The following NEDD4 variants were observed in gnomAD, a reference collection of about 807,000 sequenced individuals.
NEDD4 encodes the protein NEDD4 E3 ubiquitin protein ligase, also known as E3 ubiquitin-protein ligase NEDD4.
A neutral mutation model predicts 144.9 loss-of-function variants in NEDD4; 99 were observed. The observed-to-expected ratio is 0.68, with a 90% CI of 0.58 to 0.81. The LOEUF (loss-of-function observed/expected upper bound fraction) is 0.81, where lower values mean the gene tolerates loss of function less well. Among genes scored for constraint, NEDD4 ranks in the 30% least tolerant of loss-of-function variants. The probability of loss-of-function intolerance (pLI) is 0.00; values close to 1 mark genes in which losing one functional copy is unlikely to be tolerated. For missense variants in NEDD4, 985 were observed against 1,065.9 expected (o/e 0.92, Z 1.06); for synonymous variants, 318 against 350.6 (o/e 0.91, Z 1.04).
chr15:55,858,343 GT>G (rs1424948893), intron 11 of NEDD4, among the ~76,000 whole-genome samples: 2 of 151,696 alleles, frequency 1.3e-5, no homozygotes, highest in African/African-American at 4.8e-5. Context: ...GTTTCACTCT[GT>G]CACCCAAGCT....
At chr15:55,932,741 A>C (rs1180754833) in intron 4 of NEDD4, among the ~76,000 whole-genome samples, 2 of 152,198 alleles carry the variant, frequency 1.3e-5, no homozygotes, top group Admixed American at 6.5e-5. Context: ...CAACCTACAG[A>C]ATGGGAGAAA....
intron 8 of NEDD4, among the ~76,000 whole-genome samples, chr15:55,865,978 T>C (rs752720324): frequency 1.3e-5 from 2 of 152,030 alleles, no homozygotes; most frequent in Non-Finnish European, 2.9e-5. Context: ...GACACCCAGG[T>C]TGGAGTGCAG....
At chr15:55,944,129 G>C (rs2037062995) in intron 4 of NEDD4, among the ~76,000 whole-genome samples, 1 of 152,208 alleles carries the variant, frequency 6.6e-6, no homozygotes. Flanking sequence ...ATCTCATTTG[G>C]ACTGGCTGGA....
chr15:55,915,469 T>C, intron 5 of NEDD4: 2 of 1,613,806 alleles, frequency 1.2e-6, no homozygotes, highest in Non-Finnish European at 1.7e-6. Flanking sequence ...GAAATACTTC[T>C]TCGTAAAATA....
chr15:55,890,502 T>G (rs2035533740), intron 5 of NEDD4, among the ~76,000 whole-genome samples: 1 of 152,234 alleles, frequency 6.6e-6, no homozygotes. Context: ...GTTTCCAAGA[T>G]TCATCCATAC....
At chr15:55,910,709 G>A (rs2036244435) in intron 5 of NEDD4, among the ~76,000 whole-genome samples, 1 of 151,904 alleles carries the variant, frequency 6.6e-6, no homozygotes, top group Admixed American at 6.6e-5. Flanking sequence ...GCACTATCAG[G>A]GCAGCCTCTG....
rs60695798 is a variant in NEDD4 at position 55,891,570 on chromosome 15, T to C, written c.292-17562A>G. Among the ~76,000 whole-genome samples the C allele has an allele frequency of 4.6e-5, 7 of 152,286 alleles. No homozygotes were observed. In the East Asian group the frequency reaches 1.4e-3, roughly 29 times the overall value. ...CATGCAGCCTACTTCATAAAACAAA[T>C]TTGCATTTGGTATAATATAAGTAAT... On this transcript the variant is annotated intron_variant, in intron 5 of 28. Coordinates refer to ENST00000435532, the MANE Select transcript of NEDD4 (RefSeq NM_006154.4).
intron 1 of NEDD4, among the ~76,000 whole-genome samples, chr15:55,991,397 G>GA (rs1445987274): frequency 6.6e-6 from 1 of 152,068 alleles, no homozygotes; most frequent in Non-Finnish European, 1.5e-5. Flanking sequence ...ACCTCCACAA[G>GA]AAAAAAAGTG....
intron 8 of NEDD4, among the ~76,000 whole-genome samples, chr15:55,868,282 G>T (rs1297331361): frequency 6.6e-6 from 1 of 152,176 alleles, no homozygotes; most frequent in Non-Finnish European, 1.5e-5. Flanking sequence ...CCCTCAGTCA[G>T]AGGAGAAAGT....
intron 4 of NEDD4, among the ~76,000 whole-genome samples, chr15:55,930,625 TG>T (rs1244499012): frequency 2.0e-5 from 3 of 152,238 alleles, no homozygotes; most frequent in African/African-American, 7.2e-5. Flanking sequence ...GGTTTGACTG[TG>T]TCCCTACCCA....
intron 4 of NEDD4, among the ~76,000 whole-genome samples, chr15:55,949,405 G>A (rs148221210): frequency 6.6e-6 from 1 of 152,142 alleles, no homozygotes; most frequent in Admixed American, 6.5e-5. Context: ...ATTCCTCAAG[G>A]ATCTAGAACA....
At chr15:55,983,097 G>C (rs1260005360) in intron 1 of NEDD4, among the ~76,000 whole-genome samples, 1 of 151,898 alleles carries the variant, frequency 6.6e-6, no homozygotes, top group African/African-American at 2.4e-5. Flanking sequence ...ACTTCAGCCT[G>C]GGCAACAAGA....
intron 5 of NEDD4, among the ~76,000 whole-genome samples, chr15:55,897,272 C>T (rs1364887395): frequency 2.6e-5 from 4 of 152,112 alleles, no homozygotes; most frequent in Admixed American, 6.5e-5. Flanking sequence ...TGCGCCCGGC[C>T]GATATGGCAT....
At position 55,827,673 on chromosome 15, in the gene NEDD4, A is replaced by C. The variant is rs1454796355; in HGVS notation, c.*2224T>G. Reference sequence around the variant, plus strand: ...CATTACTATTACTTTGCTGATATGAAGAAAATGAATTATGATGGTAAGATC... The same window carrying C: ...CATTACTATTACTTTGCTGATATGACGAAAATGAATTATGATGGTAAGATC... On this transcript the variant is annotated 3_prime_UTR_variant, in exon 29 of 29. Coordinates refer to ENST00000435532, the MANE Select transcript of NEDD4 (RefSeq NM_006154.4). 1 of 152,240 alleles carries C rather than the reference A, an allele frequency of 6.6e-6. No homozygotes were observed. The highest frequency in any genetic ancestry group is 2.4e-5 in the African/African-American group (1 of 41,466). 9.4% of individuals were successfully genotyped at this position (152,240 alleles called of 1,614,324 possible).
At chr15:55,976,589 C>T (rs72734385) in intron 1 of NEDD4, among the ~76,000 whole-genome samples, 4 of 151,014 alleles carry the variant, frequency 2.6e-5, no homozygotes, top group African/African-American at 4.9e-5. Flanking sequence ...CTGGCAAGAA[C>T]GTGGCAAAAG....
At chr15:55,880,193 G>C (rs1239191483) in intron 5 of NEDD4, among the ~76,000 whole-genome samples, 1 of 152,140 alleles carries the variant, frequency 6.6e-6, no homozygotes, top group African/African-American at 2.4e-5. Flanking sequence ...TCAGGAGGCT[G>C]AGGCAGGAGA....
In NEDD4 at chr15:55,834,130, G is replaced by A; in HGVS notation, c.2338C>T (p.Leu780=). ...ENELELLMCG[L]GDVDVNDWRE... ...CAGTCATTCACATCAACATCTCCCA[G>A]TCCACACATAAGAAGCTACATAAGA... Residue 780 remains leucine (L), a synonymous_variant, in exon 26 of 29, where the codon CTG becomes TTG. Coordinates refer to ENST00000435532, the MANE Select transcript of NEDD4 (RefSeq NM_006154.4). 6.2e-7 allele frequency: 1 copy of A among 1,613,248 alleles called. No homozygotes were observed. The highest frequency in any genetic ancestry group is 8.5e-7 in the Non-Finnish European group (1 of 1,179,770).
At chr15:55,848,333 C>T (rs371075944) in intron 17 of NEDD4, 39 bp downstream of exon 17, 104 of 1,591,590 alleles carry the variant, frequency 6.5e-5, no homozygotes, top group South Asian at 1.1e-4. Context: ...GACAGGTGAG[C>T]GGACAGTCCC....
chr15:55,933,549 G>A (rs538876316), intron 4 of NEDD4, among the ~76,000 whole-genome samples: 2 of 134,204 alleles, frequency 1.5e-5, no homozygotes, highest in African/African-American at 5.6e-5. Context: ...GGAGGGGGAA[G>A]GGGGAGGGAT....
Sources: gnomAD v4.1 joint callset for allele counts (sites outside exome capture counted in the v4.1 genomes callset) on GRCh38, gnomAD v4.1.1 for gene constraint, MANE v1.5 for transcripts, NCBI Gene and HGNC (gene_info 2026-07-23, HGNC 2026-07-21) for gene names.